Variants in MEI4 observed in about 807,000 individuals in gnomAD.
MEI4 encodes the protein meiotic double-stranded break formation protein 4, also known as meiosis-specific protein MEI4.
A neutral mutation model predicts 31.4 loss-of-function variants in MEI4; 27 were observed. The observed-to-expected ratio is 0.86, with a 90% CI of 0.63 to 1.19. MEI4 has a LOEUF of 1.19. MEI4 is among the 50% of genes most tolerant of loss of function. The pLI is 0.00. For missense variants in MEI4, 329 were observed against 398.9 expected, an observed-to-expected ratio of 0.82 and a Z score of 1.49; for synonymous variants, 122 against 145.4, an observed-to-expected ratio of 0.84 and a Z score of 1.16.
intron 3 of MEI4, among the ~76,000 whole-genome samples, chr6:77,812,566 C>T (rs9350733): frequency 0.13 from 19,015 of 151,922 alleles, 1,385 homozygotes; most frequent in Middle Eastern, 0.22. Context: ...AGGAAATTAC[C>T]CCATATGAAG....
chr6:77,899,348 T>A (rs1250063399), intron 4 of MEI4, among the ~76,000 whole-genome samples: 2 of 151,868 alleles, frequency 1.3e-5, no homozygotes, highest in Non-Finnish European at 2.9e-5. Context: ...TATCTGGTGA[T>A]TTTTTTACCA....
intron 4 of MEI4, among the ~76,000 whole-genome samples, chr6:77,849,654 A>G (rs1770569235): frequency 1.3e-5 from 2 of 152,204 alleles, no homozygotes; most frequent in Admixed American, 6.5e-5. Context: ...TTTTTTGAAG[A>G]AAAACCGATT....
At chr6:77,772,007 A>T (rs1400613189) in intron 3 of MEI4, among the ~76,000 whole-genome samples, 1 of 152,060 alleles carries the variant, frequency 6.6e-6, no homozygotes, top group African/African-American at 2.4e-5. Flanking sequence ...TTTATACATC[A>T]TTCTTTTTGT....
chr6:77,864,813 T>C (rs1426796278), intron 4 of MEI4, among the ~76,000 whole-genome samples: 2 of 152,060 alleles, frequency 1.3e-5, no homozygotes, highest in African/African-American at 2.4e-5. Context: ...TATTCCAAAA[T>C]TGACCACATA....
At chr6:77,901,062 GAAT>G (rs1307017109) in intron 4 of MEI4, among the ~76,000 whole-genome samples, 5 of 151,818 alleles carry the variant, frequency 3.3e-5, no homozygotes, top group African/African-American at 1.2e-4. Context: ...TTTTAAGGCT[GAAT>G]AATAGTTCAT....
chr6:77,886,440 T>G (rs13201673), intron 4 of MEI4, among the ~76,000 whole-genome samples: 1 of 52,142 alleles, frequency 1.9e-5, no homozygotes, highest in African/African-American at 7.4e-5. Context: ...GTTTTGTTTT[T>G]TTTTTTATGA....
intron 3 of MEI4, among the ~76,000 whole-genome samples, chr6:77,805,470 TGGG>T (rs915728049): frequency 6.6e-6 from 1 of 152,132 alleles, no homozygotes; most frequent in African/African-American, 2.4e-5. Flanking sequence ...AAAACTGTGT[TGGG>T]GGAACATTAT....
intron 3 of MEI4, among the ~76,000 whole-genome samples, chr6:77,805,951 G>C (rs893653782): frequency 6.6e-6 from 1 of 152,070 alleles, no homozygotes; most frequent in African/African-American, 2.4e-5. Context: ...TAGAATCATA[G>C]CTCCTTTTCT....
chr6:77,703,996 A>G (rs1406270504), intron 2 of MEI4, among the ~76,000 whole-genome samples: 1 of 152,200 alleles, frequency 6.6e-6, no homozygotes, highest in Non-Finnish European at 1.5e-5. Flanking sequence ...AGGAACCAGC[A>G]GAGAGAGAAA....
At chr6:77,866,815 C>G (rs1771044456) in intron 4 of MEI4, among the ~76,000 whole-genome samples, 1 of 152,214 alleles carries the variant, frequency 6.6e-6, no homozygotes, top group African/African-American at 2.4e-5. Context: ...TACCTGACTT[C>G]AAACTTATAC....
intron 4 of MEI4, among the ~76,000 whole-genome samples, chr6:77,864,866 A>C (rs1674931468): frequency 6.6e-6 from 1 of 152,234 alleles, no homozygotes; most frequent in African/African-American, 2.4e-5. Flanking sequence ...AAGAATAGAA[A>C]TTATAACAAA....
At chr6:77,779,290 T>C (rs1440880053) in intron 3 of MEI4, among the ~76,000 whole-genome samples, 1 of 152,206 alleles carries the variant, frequency 6.6e-6, no homozygotes, top group Non-Finnish European at 1.5e-5. Flanking sequence ...TCAGCTTTGC[T>C]GCATGCTACT....
At chr6:77,869,804 G>A (rs919156747) in intron 4 of MEI4, among the ~76,000 whole-genome samples, 2 of 152,114 alleles carry the variant, frequency 1.3e-5, no homozygotes, top group African/African-American at 4.8e-5. Context: ...AGGAAGAAGG[G>A]GAAGCAAGTG....
intron 3 of MEI4, among the ~76,000 whole-genome samples, chr6:77,816,091 A>G (rs1769682422): frequency 6.6e-6 from 1 of 152,212 alleles, no homozygotes; most frequent in African/African-American, 2.4e-5. Flanking sequence ...TATTCAGGAA[A>G]TCTCTATCCT....
At chr6:77,746,029 A>G (rs955661891) in intron 2 of MEI4, among the ~76,000 whole-genome samples, 22 of 152,336 alleles carry the variant, frequency 1.4e-4, no homozygotes, top group African/African-American at 4.8e-4. Context: ...GAAAGATCCA[A>G]AATTGACACC....
At chr6:77,834,612 G>T (rs35472480) in intron 4 of MEI4, among the ~76,000 whole-genome samples, 10,548 of 151,984 alleles carry the variant, frequency 0.069, 549 homozygotes, top group Non-Finnish European at 0.11. Flanking sequence ...GTCCAGCTGA[G>T]GGTCCAAGCC....
intron 2 of MEI4, among the ~76,000 whole-genome samples, chr6:77,742,330 G>A (rs1242287391): frequency 1.3e-5 from 2 of 151,636 alleles, no homozygotes; most frequent in Admixed American, 1.3e-4. Flanking sequence ...GTGTGAGATG[G>A]TATCTCATTG....
chr6:77,911,310 A>G (rs971680056), intron 4 of MEI4, among the ~76,000 whole-genome samples: 1 of 151,776 alleles, frequency 6.6e-6, no homozygotes, highest in African/African-American at 2.4e-5. Context: ...TTTGTTTTCT[A>G]ACTTTTACTT....
At chr6:77,729,759 T>G (rs879339683) in intron 2 of MEI4, among the ~76,000 whole-genome samples, 4 of 152,190 alleles carry the variant, frequency 2.6e-5, no homozygotes, top group Non-Finnish European at 5.9e-5. Flanking sequence ...GAAACTTCCT[T>G]AGGAAACACT....
Sources: gnomAD v4.1 joint callset for allele counts (sites outside exome capture counted in the v4.1 genomes callset) on GRCh38, gnomAD v4.1.1 for gene constraint, MANE v1.5 for transcripts, NCBI Gene and HGNC (gene_info 2026-07-23, HGNC 2026-07-21) for gene names.